CNTN4: variants seen among roughly 807,000 people sequenced by gnomAD.
The protein encoded by CNTN4 is contactin 4, also known as contactin-4.
In CNTN4, 77 loss-of-function variants were observed where a neutral mutation model predicts 122.5. The observed-to-expected ratio is 0.63, with a 90% CI of 0.52 to 0.76. CNTN4 has a LOEUF of 0.76. Among genes scored for constraint, CNTN4 ranks in the 30% least tolerant of loss-of-function variants. The pLI is 0.00. For synonymous variants in CNTN4, 512 were observed against 447.0 expected (o/e 1.15, Z -1.83); for missense variants, 1,256 against 1,259.1 (o/e 1.00, Z 0.04).
intron 3 of CNTN4, among the ~76,000 whole-genome samples, chr3:2,536,855 A>G (rs1479381459): frequency 1.3e-5 from 2 of 152,170 alleles, no homozygotes; most frequent in African/African-American, 4.8e-5. Flanking sequence ...TACGTTGAAG[A>G]GCCCAGGTTC....
At chr3:2,923,092 A>C (rs1201892224) in intron 12 of CNTN4, among the ~76,000 whole-genome samples, 1 of 152,324 alleles carries the variant, frequency 6.6e-6, no homozygotes, top group East Asian at 1.9e-4. Flanking sequence ...AGCAAAATGT[A>C]GTTTTTTGAC....
At chr3:2,222,648 G>T (rs1041280503) in intron 2 of CNTN4, among the ~76,000 whole-genome samples, 23 of 151,170 alleles carry the variant, frequency 1.5e-4, no homozygotes. Flanking sequence ...GAATTTATAC[G>T]CACAACCCCC....
intron 4 of CNTN4, among the ~76,000 whole-genome samples, chr3:2,656,202 C>T (rs980587073): frequency 1.4e-4 from 21 of 152,072 alleles, no homozygotes; most frequent in South Asian, 1.0e-3. Context: ...AATCTCATTT[C>T]GCTGCATGAT....
At chr3:2,844,991 T>C (rs955852445) in intron 7 of CNTN4, among the ~76,000 whole-genome samples, 3 of 152,188 alleles carry the variant, frequency 2.0e-5, no homozygotes, top group Non-Finnish European at 2.9e-5. Flanking sequence ...TGAGTTGTTT[T>C]TATTCCCAAA....
chr3:2,354,105 G>A (rs1038302344), intron 3 of CNTN4, among the ~76,000 whole-genome samples: 3 of 152,194 alleles, frequency 2.0e-5, no homozygotes, highest in Non-Finnish European at 4.4e-5. Context: ...AAACACGTAA[G>A]TTCAGAGTGG....
At chr3:2,917,522 A>G (rs1021566864) in intron 12 of CNTN4, among the ~76,000 whole-genome samples, 4 of 152,206 alleles carry the variant, frequency 2.6e-5, no homozygotes, top group African/African-American at 4.8e-5. Context: ...ACAAACTTCA[A>G]GGTGATGCCA....
chr3:2,692,261 TA>T (rs1371890565), intron 4 of CNTN4, among the ~76,000 whole-genome samples: 1 of 152,202 alleles, frequency 6.6e-6, no homozygotes, highest in Non-Finnish European at 1.5e-5. Context: ...GCTTTGCTTC[TA>T]AGAGAGTTTG....
intron 4 of CNTN4, among the ~76,000 whole-genome samples, chr3:2,681,806 A>G (rs2085181245): frequency 6.6e-6 from 1 of 151,890 alleles, no homozygotes; most frequent in African/African-American, 2.4e-5. Flanking sequence ...TGCCATTTTC[A>G]TTATTTGTTG....
intron 3 of CNTN4, among the ~76,000 whole-genome samples, chr3:2,466,518 A>G (rs2075502645): frequency 6.6e-6 from 1 of 152,196 alleles, no homozygotes; most frequent in Non-Finnish European, 1.5e-5. Flanking sequence ...TTTGTAAAGT[A>G]CATTTTTAAA....
intron 23 of CNTN4, among the ~76,000 whole-genome samples, chr3:3,051,546 C>T (rs1701275493): frequency 6.6e-6 from 1 of 152,154 alleles, no homozygotes; most frequent in African/African-American, 2.4e-5. Flanking sequence ...CCTTGCATCC[C>T]ATCAGCCCAT....
chr3:2,300,153 TTATTTTA>T (rs1334200368), intron 2 of CNTN4, among the ~76,000 whole-genome samples: 1 of 152,132 alleles, frequency 6.6e-6, no homozygotes, highest in African/African-American at 2.4e-5. Flanking sequence ...AAGAGCAGAG[TTATTTTA>T]TATTACTGAG....
At chr3:3,042,707 T>G in intron 21 of CNTN4, 1 of 587,824 alleles carries the variant, frequency 1.7e-6, no homozygotes, top group South Asian at 2.1e-5. Flanking sequence ...AGGATCACTT[T>G]GACTCAAAAC....
At chr3:2,947,273 GA>G (rs1272306505) in intron 13 of CNTN4, among the ~76,000 whole-genome samples, 3 of 152,150 alleles carry the variant, frequency 2.0e-5, no homozygotes, top group African/African-American at 7.2e-5. Flanking sequence ...TACAGGAAAA[GA>G]ATATGTTCTC....
At chr3:2,839,090 A>G (rs1475577244) in intron 7 of CNTN4, among the ~76,000 whole-genome samples, 3 of 152,210 alleles carry the variant, frequency 2.0e-5, no homozygotes, top group African/African-American at 7.2e-5. Context: ...AAAAATCTTG[A>G]CATACACCTT....
chr3:2,354,214 C>T (rs192791297), intron 3 of CNTN4, among the ~76,000 whole-genome samples: 2 of 152,312 alleles, frequency 1.3e-5, no homozygotes, highest in African/African-American at 4.8e-5. Context: ...ATAATCACTT[C>T]CATATTGCTA....
In CNTN4 at chr3:2,138,197, C is replaced by T. The variant is rs1047628109; in HGVS notation, c.-145+37558C>T. 7.2e-5 allele frequency among the ~76,000 whole-genome samples: 11 copies of T among 151,946 alleles called. No homozygotes were observed. The East Asian group carries it at 2.1e-3, about 30-fold the overall frequency. On this transcript the variant is annotated intron_variant, in intron 2 of 24. Coordinates refer to ENST00000418658, the MANE Select transcript of CNTN4 (RefSeq NM_175607.3). Reference sequence around the variant, plus strand: ...TTCTCCTGCCTCAGCTCCCTAGTTACTGGGACTACAGGCGCCCGCCATCAC... The same window carrying T: ...TTCTCCTGCCTCAGCTCCCTAGTTATTGGGACTACAGGCGCCCGCCATCAC...
At chr3:2,861,637 T>C (rs1386410340) in intron 7 of CNTN4, among the ~76,000 whole-genome samples, 1 of 152,200 alleles carries the variant, frequency 6.6e-6, no homozygotes, top group African/African-American at 2.4e-5. Context: ...CTACCATTCA[T>C]GTCTCCTGAC....
intron 4 of CNTN4, among the ~76,000 whole-genome samples, chr3:2,618,153 T>G (rs981415722): frequency 3.9e-5 from 6 of 152,136 alleles, no homozygotes; most frequent in Non-Finnish European, 8.8e-5. Flanking sequence ...TGGATAATGC[T>G]TAGAACCATC....
chr3:2,572,477 A>T (rs139009756), intron 4 of CNTN4, among the ~76,000 whole-genome samples: 1 of 152,200 alleles, frequency 6.6e-6, no homozygotes, highest in East Asian at 1.9e-4. Flanking sequence ...AGCAGTTGAC[A>T]TACATCATTC....
Sources: allele counts gnomAD v4.1 joint callset (sites outside exome capture counted in the v4.1 genomes callset), GRCh38; gene constraint gnomAD v4.1.1; transcripts MANE v1.5; gene names NCBI Gene and HGNC (gene_info 2026-07-23, HGNC 2026-07-21).